XXYLT1: variants seen among roughly 807,000 people sequenced by gnomAD.
XXYLT1 encodes UDP-xylose:alpha-xyloside alpha-1,3-xylosyltransferase.
XXYLT1 carries 20 observed loss-of-function variants against 28.9 expected under a neutral mutation model. That is an observed-to-expected ratio of 0.69 (90% CI 0.49 to 1.00). The LOEUF is 1.00. Among genes scored for constraint, XXYLT1 ranks in the 50% least tolerant of loss-of-function variants. The probability of loss-of-function intolerance (pLI) is 0.00; values close to 1 mark genes in which losing one functional copy is unlikely to be tolerated. For synonymous variants in XXYLT1, 257 were observed against 253.8 expected, an observed-to-expected ratio of 1.01 and a Z score of -0.12; for missense variants, 542 against 560.1, an observed-to-expected ratio of 0.97 and a Z score of 0.33.
chr3:195,234,462 G>A (rs143027815), intron 1 of XXYLT1, among the ~76,000 whole-genome samples: 3,498 of 151,744 alleles, frequency 0.023, 108 homozygotes, highest in African/African-American at 0.075. Context: ...GGGATTACAG[G>A]CGTCTGCCAC....
intron 3 of XXYLT1, among the ~76,000 whole-genome samples, chr3:195,138,509 T>C (rs1719312375): frequency 6.6e-6 from 1 of 152,084 alleles, no homozygotes; most frequent in African/African-American, 2.4e-5. Flanking sequence ...AGAGAGGCTT[T>C]ATGGAACTGG....
At chr3:195,227,019 C>T (rs560374356) in intron 1 of XXYLT1, among the ~76,000 whole-genome samples, 163 bp from the exon 2 acceptor site, 10 of 151,932 alleles carry the variant, frequency 6.6e-5, no homozygotes, top group South Asian at 2.1e-4. Flanking sequence ...GTTAAGGAAA[C>T]GAGAAACAAC....
At chr3:195,245,320 C>T (rs1462029951) in intron 1 of XXYLT1, among the ~76,000 whole-genome samples, 1 of 151,668 alleles carries the variant, frequency 6.6e-6, no homozygotes, top group Admixed American at 6.6e-5. Flanking sequence ...ACCACCACGC[C>T]CAGCTAGTTT....
chr3:195,099,076 T>C (rs754428243), intron 3 of XXYLT1, among the ~76,000 whole-genome samples: 7 of 152,122 alleles, frequency 4.6e-5, no homozygotes, highest in Admixed American at 1.3e-4. Context: ...GGTAGCAGAG[T>C]ACGGTGTAAT....
chr3:195,190,063 GAAAGCAA>G (rs920957421), intron 2 of XXYLT1, among the ~76,000 whole-genome samples: 2 of 148,176 alleles, frequency 1.3e-5, no homozygotes, highest in East Asian at 1.9e-4. Context: ...ATAAAGTATT[GAAAGCAA>G]AAAGCAAAAA....
intron 1 of XXYLT1, chr3:195,259,706 C>T: frequency 1.0e-6 from 1 of 983,370 alleles, no homozygotes; most frequent in Non-Finnish European, 1.2e-6. Context: ...AGACCCAGCA[C>T]CAGGGCGGCC....
rs760676308 is a variant in XXYLT1 at position 195,226,856 on chromosome 3, C to A, written c.505G>T (p.Val169Phe). ...LPPAAGFKCK[V>F]IFHDVAVLTD... is the part of the protein sequence containing the mutation. The stretch of plus-strand genomic sequence containing the variant: ...AGCACAGCAACATCGTGGAAGATGA[C>A]CTGCAGCAGGTGCAAAAAAAACCAA... Residue 169 changes from valine to phenylalanine, a missense_variant and splice_region_variant, in exon 2 of 4, where the codon GTC becomes TTC. Physicochemically the swap from Val to Phe is conservative, Grantham distance 50. Coordinates refer to ENST00000310380, the MANE Select transcript of XXYLT1 (RefSeq NM_152531.5). The A allele has an allele frequency of 2.5e-6, 4 of 1,612,698 alleles. No individual in the cohort carries two copies. The highest frequency in any genetic ancestry group is 2.7e-5 in the African/African-American group (2 of 74,734).
At chr3:195,218,363 C>G (rs1314521659) in intron 2 of XXYLT1, among the ~76,000 whole-genome samples, 1 of 142,944 alleles carries the variant, frequency 7.0e-6, no homozygotes, top group Non-Finnish European at 1.6e-5. Context: ...AAACTACCAT[C>G]AGAGTGAACA....
At chr3:195,161,881 G>C (rs569745701) in intron 2 of XXYLT1, among the ~76,000 whole-genome samples, 87 of 152,140 alleles carry the variant, frequency 5.7e-4, no homozygotes, top group African/African-American at 2.0e-3. Context: ...GCCTCCCAAA[G>C]TGCTAGGATT....
intron 2 of XXYLT1, among the ~76,000 whole-genome samples, chr3:195,177,961 G>A (rs1250329060): frequency 6.8e-6 from 1 of 148,100 alleles, no homozygotes; most frequent in Admixed American, 6.6e-5. Flanking sequence ...AAAAAAAGAG[G>A]GATGGAAATG....
chr3:195,147,351 C>A (rs967671411), intron 3 of XXYLT1, among the ~76,000 whole-genome samples: 4 of 152,130 alleles, frequency 2.6e-5, no homozygotes, highest in Non-Finnish European at 5.9e-5. Context: ...AGGTGGATCA[C>A]CTGAGGTCAG....
At chr3:195,259,720 G>A in intron 1 of XXYLT1, 1 of 974,550 alleles carries the variant, frequency 1.0e-6, no homozygotes, top group Non-Finnish European at 1.2e-6. Context: ...GGCGGCCCCC[G>A]GAGCCGGCCT....
At chr3:195,189,313 T>C (rs1379306499) in intron 2 of XXYLT1, among the ~76,000 whole-genome samples, 1 of 152,090 alleles carries the variant, frequency 6.6e-6, no homozygotes, top group African/African-American at 2.4e-5. Flanking sequence ...GAGACAGACA[T>C]CATAACTTGT....
At chr3:195,116,999 AACTG>A in intron 3 of XXYLT1, among the ~76,000 whole-genome samples, 1 of 152,124 alleles carries the variant, frequency 6.6e-6, no homozygotes, top group East Asian at 1.9e-4. Flanking sequence ...AGGAAATCAC[AACTG>A]ATGCTACGGG....
chr3:195,185,131 AAGGAAG>A (rs1722135638), intron 2 of XXYLT1, among the ~76,000 whole-genome samples: 1 of 149,922 alleles, frequency 6.7e-6, no homozygotes, highest in Non-Finnish European at 1.5e-5. Flanking sequence ...GGAAGGAAGG[AAGGAAG>A]GAAGGAAGGA....
chr3:195,093,447 G>A (rs1269429415), intron 3 of XXYLT1, among the ~76,000 whole-genome samples: 2 of 133,038 alleles, frequency 1.5e-5, no homozygotes, highest in Non-Finnish European at 3.1e-5. Flanking sequence ...ACCAAACACC[G>A]CATATTCTCA....
At chr3:195,146,148 G>C (rs377364398) in intron 3 of XXYLT1, among the ~76,000 whole-genome samples, 26 of 152,242 alleles carry the variant, frequency 1.7e-4, no homozygotes, top group African/African-American at 6.3e-4. Context: ...GTCTGCACCT[G>C]AGATGGCCAT....
intron 3 of XXYLT1, among the ~76,000 whole-genome samples, chr3:195,074,731 T>TG (rs1221995970): frequency 6.6e-6 from 1 of 152,184 alleles, no homozygotes; most frequent in African/African-American, 2.4e-5. Flanking sequence ...TGAAGTTCTG[T>TG]GGGGCAGTCT....
At chr3:195,189,313 T>A (rs1379306499) in intron 2 of XXYLT1, among the ~76,000 whole-genome samples, 1 of 152,090 alleles carries the variant, frequency 6.6e-6, no homozygotes, top group Non-Finnish European at 1.5e-5. Flanking sequence ...GAGACAGACA[T>A]CATAACTTGT....
Sources: gnomAD v4.1 joint callset for allele counts (sites outside exome capture counted in the v4.1 genomes callset) on GRCh38, gnomAD v4.1.1 for gene constraint, MANE v1.5 for transcripts, NCBI Gene and HGNC (gene_info 2026-07-23, HGNC 2026-07-21) for gene names.